CYP3A4: variants seen among roughly 807,000 people sequenced by gnomAD.
CYP3A4 encodes cytochrome P450 3A4.
A neutral mutation model predicts 54.9 loss-of-function variants in CYP3A4; 41 were observed. The ratio of observed to expected loss-of-function variants is 0.75; its 90% CI spans 0.58 to 0.97. CYP3A4 has a LOEUF of 0.97. CYP3A4 is among the 50% of genes least tolerant of loss of function. The pLI is 0.00. For missense variants in CYP3A4, 510 were observed against 597.3 expected (o/e 0.85, Z 1.52); for synonymous variants, 179 against 205.2 (o/e 0.87, Z 1.09).
At chr7:99,768,213 TG>T in intron 7 of CYP3A4, 140 bp downstream of exon 7, 1 of 1,027,522 alleles carries the variant, frequency 9.7e-7, no homozygotes, top group Non-Finnish European at 1.4e-6. Context: ...AAAATGATGA[TG>T]GTCACACATA....
At chr7:99,779,238 A>G (rs1203571034) in intron 2 of CYP3A4, among the ~76,000 whole-genome samples, 5 of 151,926 alleles carry the variant, frequency 3.3e-5, no homozygotes, top group African/African-American at 1.2e-4. Flanking sequence ...TAAAAAAAAA[A>G]CCCCACAAAC....
rs1406701067 is a variant in CYP3A4 at position 99,772,666 on chromosome 7, A to G, written c.242T>C (p.Val81Ala). ...VWGFYDGQQP[V>A]LAITDPDMIK... The stretch of plus-strand genomic sequence containing the variant: ...CATGTCAGGATCTGTGATAGCCAGC[A>G]CAGGCTGTTGACCATCATAAAAGCT... Residue 81 changes from valine (V) to alanine (A), a missense_variant, in exon 4 of 13, where the codon GTG (valine) becomes GCG (alanine). Physicochemically the swap from Val to Ala is moderately conservative, Grantham distance 64. This residue lies in a region of CYP3A4 where 272 missense variants were observed against 274.9 expected (regional missense o/e 0.99). Transcript: ENST00000651514. The G allele has an allele frequency of 6.2e-7, 1 of 1,613,438 alleles. No homozygotes were observed. Among genetic ancestry groups the G allele is most frequent in the Non-Finnish European group, 8.5e-7 (1 of 1,179,466 alleles).
chr7:99,779,933 G>A (rs1384230434), intron 2 of CYP3A4, 59 bp downstream of exon 2: 8 of 1,501,926 alleles, frequency 5.3e-6, no homozygotes, highest in Non-Finnish European at 6.5e-6. Flanking sequence ...TTTTACTGAT[G>A]GAACTAAGCT....
At chr7:99,768,727 C>T (rs1815547293) in intron 6 of CYP3A4, among the ~76,000 whole-genome samples, 1 of 152,106 alleles carries the variant, frequency 6.6e-6, no homozygotes, top group Admixed American at 6.6e-5. Context: ...CTGAATTAGA[C>T]CTACCTCTGA....
chr7:99,773,260 C>A (rs1278027579), intron 3 of CYP3A4, among the ~76,000 whole-genome samples: 7 of 152,042 alleles, frequency 4.6e-5, no homozygotes, highest in Admixed American at 4.6e-4. Context: ...GATTTTAACA[C>A]CCCACTGTCA....
At chr7:99,767,078 C>T in intron 8 of CYP3A4, 53 bp downstream of exon 8, 1 of 1,558,394 alleles carries the variant, frequency 6.4e-7, no homozygotes, top group Non-Finnish European at 8.8e-7. Flanking sequence ...TGTATATTAT[C>T]TAAAAAATTA....
intron 12 of CYP3A4, among the ~76,000 whole-genome samples, chr7:99,759,859 CAG>C (rs373384625): frequency 4.7e-5 from 7 of 150,346 alleles, no homozygotes; most frequent in African/African-American, 1.7e-4. Flanking sequence ...TTTTTTGAGA[CAG>C]AGTCTCGCTG....
rs372741732 is a variant in CYP3A4, at chr7:99,760,918, G to A, written c.1317C>T (p.Pro439=). Residue 439 remains proline, a synonymous_variant, in exon 12 of 13, where the codon CCC becomes CCT. Transcript: ENST00000651514. ...PYIYTPFGSG[P]RNCIGMRFAL... ...CAAACCTCATGCCAATGCAGTTTCTGGGTCCACTTCCAAAGGGTGTGTATA... is the reference window on the plus strand; with the variant it reads ...CAAACCTCATGCCAATGCAGTTTCTAGGTCCACTTCCAAAGGGTGTGTATA... The A allele has an allele frequency of 5.6e-6, 9 of 1,614,016 alleles. No homozygotes were observed. In the South Asian group the frequency reaches 9.9e-5, roughly 18 times the overall value.
intron 9 of CYP3A4, among the ~76,000 whole-genome samples, chr7:99,764,643 A>G (rs543561721): frequency 6.6e-6 from 1 of 152,242 alleles, no homozygotes; most frequent in Non-Finnish European, 1.5e-5. Context: ...TACTGATTCA[A>G]AATCTGAACT....
intron 5 of CYP3A4, 41 bp downstream of exon 5, chr7:99,770,081 A>G (rs1815589358): frequency 1.3e-6 from 2 of 1,584,330 alleles, no homozygotes; most frequent in South Asian, 1.1e-5. Flanking sequence ...CACCAGATTC[A>G]TTCTTTAAGT....
At chr7:99,763,820 C>T (rs1235636052) in intron 10 of CYP3A4, 35 bp downstream of exon 10, 2 of 1,613,022 alleles carry the variant, frequency 1.2e-6, no homozygotes, top group Admixed American at 1.7e-5. Context: ...TAAGGTTTCA[C>T]CTCCTCCCTC....
chr7:99,778,135 G>T, intron 2 of CYP3A4, 55 bp from the exon 3 acceptor site: 1 of 1,412,810 alleles, frequency 7.1e-7, no homozygotes, highest in Non-Finnish European at 9.9e-7. Flanking sequence ...ACTTAACCCT[G>T]CCTCTAATTG....
chr7:99,768,445 G>T lies in CYP3A4; in HGVS notation c.579C>A (p.Ile193=), dbSNP rs4987159. 6.2e-7 allele frequency: 1 copy of T among 1,613,956 alleles called. No individual in the cohort carries two copies. The highest frequency in any genetic ancestry group is 8.5e-7 in the Non-Finnish European group (1 of 1,179,918). Residue 193 remains isoleucine (I), a synonymous_variant, in exon 7 of 13, where the codon ATC becomes ATA. Transcript: ENST00000651514. ...GGTCTTGTGGATTGTTGAGAGAGTC[G>T]ATGTTCACTCCAAATGATGTGCTAG... ...VITSTSFGVN[I]DSLNNPQDPF...
intron 12 of CYP3A4, among the ~76,000 whole-genome samples, chr7:99,760,143 C>T (rs1815282305): frequency 6.6e-6 from 1 of 152,146 alleles, no homozygotes; most frequent in Admixed American, 6.5e-5. Context: ...CTGGGAACAA[C>T]ATTAATAGAG....
In CYP3A4 at chr7:99,768,344, G is replaced by A; in HGVS notation, c.670+10C>T. On this transcript the variant is annotated intron_variant, in intron 7 of 12. Coordinates refer to ENST00000651514, the MANE Select transcript of CYP3A4 (RefSeq NM_017460.6). Reference sequence around the variant, plus strand: ...GCAAGATAAATAAAAGGAAATAGTAGTCCACATACTTATTGAGAGAAAGAA... The same window carrying A: ...GCAAGATAAATAAAAGGAAATAGTAATCCACATACTTATTGAGAGAAAGAA... 6.2e-7 allele frequency: 1 copy of A among 1,611,912 alleles called. No homozygotes were observed.
chr7:99,766,257 A>C, intron 9 of CYP3A4, 120 bp downstream of exon 9: 1 of 1,193,104 alleles, frequency 8.4e-7, no homozygotes. Context: ...ACATTCAAAC[A>C]TGTGTCGTTC....
At chr7:99,759,539 C>T (rs555194493) in intron 12 of CYP3A4, among the ~76,000 whole-genome samples, 17 of 152,186 alleles carry the variant, frequency 1.1e-4, no homozygotes, top group African/African-American at 3.4e-4. Flanking sequence ...TAAACATTTA[C>T]CAAATGCTTG....
chr7:99,783,896 A>T, intron 1 of CYP3A4, 115 bp downstream of exon 1: 1 of 1,255,478 alleles, frequency 8.0e-7, no homozygotes, highest in Non-Finnish European at 1.2e-6. Context: ...GGTGTAAGCC[A>T]CCACGCCCGG....
At position 99,768,236 on chromosome 7, in the gene CYP3A4, A is replaced by T. The variant is rs12721622; in HGVS notation, c.670+118T>A. The T allele has an allele frequency of 2.9e-3, 3,372 of 1,160,986 alleles. 71 individuals carry two copies. The African/African-American group carries it at 0.047, about 16-fold the overall frequency. The allele number at this position is 1,160,986 out of a possible 1,614,324, so 71.9% of individuals were successfully genotyped here. ...GATGGTCACACATATCTTCAAATGT[A>T]CTACAAATCACTGAACTGTATATTT... On this transcript the variant is annotated intron_variant, in intron 7 of 12. Coordinates refer to ENST00000651514, the MANE Select transcript of CYP3A4 (RefSeq NM_017460.6).
Sources: allele counts gnomAD v4.1 joint callset (sites outside exome capture counted in the v4.1 genomes callset), GRCh38; gene constraint gnomAD v4.1.1; regional missense constraint gnomAD v4.1.1; transcripts MANE v1.5; gene names NCBI Gene and HGNC (gene_info 2026-07-23, HGNC 2026-07-21).